ALK: variants seen among roughly 807,000 people sequenced by gnomAD.
ALK encodes ALK receptor tyrosine kinase.
In ALK, 74 loss-of-function variants were observed where a neutral mutation model predicts 163.1. The observed-to-expected ratio is 0.45, with a 90% confidence interval of 0.38 to 0.55. The LOEUF (loss-of-function observed/expected upper bound fraction) is 0.55. Among genes scored for constraint, ALK ranks in the 20% least tolerant of loss-of-function variants. The pLI, the probability that ALK is intolerant of heterozygous loss-of-function variation, is 0.00. For synonymous variants in ALK, 960 were observed against 843.2 expected (o/e 1.14, Z -2.40); for missense variants, 2,063 against 2,105.3 (o/e 0.98, Z 0.39).
intron 1 of ALK, among the ~76,000 whole-genome samples, chr2:29,800,004 C>T (rs571109625): frequency 3.9e-5 from 6 of 152,304 alleles, no homozygotes; most frequent in South Asian, 2.1e-4. Flanking sequence ...GACAAAGCTC[C>T]GGACTCCAAG....
intron 3 of ALK, among the ~76,000 whole-genome samples, chr2:29,629,963 A>G (rs1420009798): frequency 6.6e-6 from 1 of 152,216 alleles, no homozygotes; most frequent in Non-Finnish European, 1.5e-5. Context: ...TCTACCCGAC[A>G]AACAGATTCC....
chr2:29,696,530 T>TAAAAAAAAAAAAAAAAAAAAAAAAAA (rs60320646), intron 2 of ALK, among the ~76,000 whole-genome samples: 1 of 103,850 alleles, frequency 9.6e-6, no homozygotes, highest in Non-Finnish European at 2.0e-5. Context: ...CTTAAAGGAT[T>TAAAAAAAAAAAAAAAAAAAAAAAAAA]AAAAAAAAAA....
intron 4 of ALK, among the ~76,000 whole-genome samples, chr2:29,498,862 C>G (rs1292061121): frequency 7.2e-5 from 11 of 152,174 alleles, no homozygotes; most frequent in Admixed American, 7.2e-4. Context: ...TATAATTGAG[C>G]ACAGTCAGAG....
At chr2:29,894,658 A>G (rs560774468) in intron 1 of ALK, among the ~76,000 whole-genome samples, 1 of 152,188 alleles carries the variant, frequency 6.6e-6, no homozygotes, top group Admixed American at 6.6e-5. Context: ...GTACAGAAAA[A>G]TTAAATTTTA....
At chr2:29,637,707 T>A (rs1370210955) in intron 3 of ALK, among the ~76,000 whole-genome samples, 1 of 11,744 alleles carries the variant, frequency 8.5e-5, no homozygotes, top group Non-Finnish European at 1.6e-4. Flanking sequence ...AGACTCCGTC[T>A]CCAAAAAAAA....
intron 3 of ALK, among the ~76,000 whole-genome samples, chr2:29,607,691 T>G (rs1340634942): frequency 2.0e-5 from 3 of 152,138 alleles, no homozygotes; most frequent in Non-Finnish European, 4.4e-5. Context: ...CTCTCTCAGT[T>G]CTCCTTCTAC....
At chr2:29,837,700 C>G (rs1447556543) in intron 1 of ALK, among the ~76,000 whole-genome samples, 1 of 152,152 alleles carries the variant, frequency 6.6e-6, no homozygotes, top group Non-Finnish European at 1.5e-5. Flanking sequence ...AACTGATTCA[C>G]AAGTAAATTG....
chr2:29,231,583 A>G, intron 15 of ALK, among the ~76,000 whole-genome samples: 1 of 150,252 alleles, frequency 6.7e-6, no homozygotes, highest in East Asian at 1.9e-4. Flanking sequence ...TGGACCCATG[A>G]CTGTTTCTAC....
intron 26 of ALK, among the ~76,000 whole-genome samples, chr2:29,203,923 G>T (rs1669250184): frequency 1.3e-5 from 2 of 151,478 alleles, no homozygotes. Flanking sequence ...CTTCTCTCTG[G>T]GACTCCTATT....
At position 29,699,919 on chromosome 2, in the gene ALK, G is replaced by T. The variant is rs1678682535; in HGVS notation, c.788-4905C>A. Among the ~76,000 whole-genome samples the T allele has an allele frequency of 2.6e-5, 4 of 152,264 alleles. No individual in the cohort carries two copies. The South Asian group carries it at 8.3e-4, about 31-fold the overall frequency. ...GAAGGGAAAGGGCTCTAGCAGAGCA[G>T]TGAGGATGGTTCTGGGCTTGGTCCT... On this transcript the variant is annotated intron_variant, in intron 2 of 28. Transcript: ENST00000389048.
At chr2:29,245,775 C>G (rs1414780157) in intron 12 of ALK, among the ~76,000 whole-genome samples, 1 of 140,644 alleles carries the variant, frequency 7.1e-6, no homozygotes, top group African/African-American at 2.7e-5. Flanking sequence ...GCCCTGCACA[C>G]AGTAGGGGCT....
chr2:29,213,918 A>T (rs2148159056), intron 24 of ALK, 66 bp downstream of exon 24: 2 of 1,368,836 alleles, frequency 1.5e-6, no homozygotes, highest in East Asian at 4.6e-5. Flanking sequence ...TGAGCCCTTG[A>T]GATCTGCGGG....
At chr2:29,217,112 G>GT (rs1491439686) in intron 23 of ALK, among the ~76,000 whole-genome samples, 158 of 87,590 alleles carry the variant, frequency 1.8e-3, no homozygotes, top group African/African-American at 4.3e-3. Context: ...GTGTGTCTGT[G>GT]GGGGGGGGGC....
At chr2:29,280,839 G>A (rs1466941872) in intron 9 of ALK, among the ~76,000 whole-genome samples, 1 of 151,882 alleles carries the variant, frequency 6.6e-6, no homozygotes, top group Non-Finnish European at 1.5e-5. Context: ...TACCACTCTG[G>A]GACTGAGGGA....
At chr2:29,553,446 C>T (rs1232149835) in intron 3 of ALK, among the ~76,000 whole-genome samples, 1 of 152,176 alleles carries the variant, frequency 6.6e-6, no homozygotes, top group African/African-American at 2.4e-5. Context: ...CAGCACAAAT[C>T]GACTAAGATA....
chr2:29,717,171 CAAAA>C (rs754615995), intron 2 of ALK, among the ~76,000 whole-genome samples: 1 of 70,580 alleles, frequency 1.4e-5, no homozygotes, highest in Non-Finnish European at 2.5e-5. Flanking sequence ...GACTCTGTCT[CAAAA>C]AAAAAAAAAA....
In ALK at chr2:29,237,655, G is replaced by C. The variant is rs866760137; in HGVS notation, c.2355+2025C>G. Among the ~76,000 whole-genome samples the C allele has an allele frequency of 3.3e-5, 5 of 152,250 alleles. No individual in the cohort carries two copies. In the Middle Eastern group the frequency reaches 0.01, roughly 311 times the overall value. On this transcript the variant is annotated intron_variant, in intron 13 of 28. Transcript: ENST00000389048. ...ATTAAGTAGGTACTCAATAAATATTGGTTAAATAAATTTGAATGAATTGAG... is the reference window on the plus strand; with the variant it reads ...ATTAAGTAGGTACTCAATAAATATTCGTTAAATAAATTTGAATGAATTGAG...
chr2:29,749,533 A>G (rs565815868), intron 1 of ALK, among the ~76,000 whole-genome samples: 4 of 152,132 alleles, frequency 2.6e-5, no homozygotes, highest in Non-Finnish European at 5.9e-5. Flanking sequence ...CTGCTGACCA[A>G]CTAGACCCAG....
At chr2:29,585,892 C>T (rs543082950) in intron 3 of ALK, among the ~76,000 whole-genome samples, 6 of 151,984 alleles carry the variant, frequency 3.9e-5, no homozygotes, top group South Asian at 2.1e-4. Flanking sequence ...TATCTTAATA[C>T]GTATCCTAAG....
Sources: allele counts gnomAD v4.1 joint callset (sites outside exome capture counted in the v4.1 genomes callset), GRCh38; gene constraint gnomAD v4.1.1; transcripts MANE v1.5; gene names NCBI Gene and HGNC (gene_info 2026-07-23, HGNC 2026-07-21).